Variants in GRIN2A observed in about 807,000 individuals in gnomAD.
GRIN2A encodes glutamate ionotropic receptor NMDA type subunit 2A.
GRIN2A carries 22 observed loss-of-function variants against 113.4 expected under a neutral mutation model. That is an observed-to-expected ratio of 0.19 (90% CI 0.14 to 0.28). GRIN2A has a LOEUF of 0.28. GRIN2A is among the 10% of genes least tolerant of loss of function. The pLI is 1.00. For synonymous variants in GRIN2A, 827 were observed against 738.4 expected (o/e 1.12, Z -1.94); for missense variants, 1,502 against 1,887.0 (o/e 0.80, Z 3.78).
chr16:9,996,587 A>G (rs1044332951), intron 2 of GRIN2A, among the ~76,000 whole-genome samples: 5 of 152,216 alleles, frequency 3.3e-5, no homozygotes, highest in Non-Finnish European at 7.3e-5. Flanking sequence ...ACCTGTAAGT[A>G]ATATTCCAAC....
chr16:9,882,396 A>G (rs2043498726), intron 4 of GRIN2A, among the ~76,000 whole-genome samples: 1 of 152,210 alleles, frequency 6.6e-6, no homozygotes, highest in South Asian at 2.1e-4. Context: ...TAGGAATCCT[A>G]TAACTGGAAT....
chr16:9,960,989 C>T (rs753319345), intron 2 of GRIN2A, among the ~76,000 whole-genome samples: 9 of 152,086 alleles, frequency 5.9e-5, no homozygotes, highest in South Asian at 2.1e-4. Context: ...ACCATTCAAG[C>T]GAGTTTGTTA....
chr16:9,911,026 A>G (rs2044125010), intron 3 of GRIN2A, among the ~76,000 whole-genome samples: 1 of 152,180 alleles, frequency 6.6e-6, no homozygotes, highest in Non-Finnish European at 1.5e-5. Flanking sequence ...AACTAAAAAA[A>G]AAAAATCCAT....
intron 2 of GRIN2A, among the ~76,000 whole-genome samples, chr16:9,999,840 C>T (rs984584712): frequency 6.6e-6 from 1 of 152,276 alleles, no homozygotes; most frequent in South Asian, 2.1e-4. Context: ...TAACAAATTC[C>T]ACAAGCACAA....
chr16:9,809,450 A>G (rs1433339100), intron 10 of GRIN2A, among the ~76,000 whole-genome samples: 1 of 152,202 alleles, frequency 6.6e-6, no homozygotes, highest in Non-Finnish European at 1.5e-5. Context: ...AAACATATGC[A>G]AATGCATATA....
intron 4 of GRIN2A, among the ~76,000 whole-genome samples, chr16:9,884,764 T>A (rs2043555112): frequency 6.7e-6 from 1 of 150,102 alleles, no homozygotes; most frequent in African/African-American, 2.4e-5. Flanking sequence ...TTTTTTTTTT[T>A]TTTGAGATGG....
intron 9 of GRIN2A, among the ~76,000 whole-genome samples, chr16:9,825,017 A>C (rs778186739): frequency 6.6e-6 from 1 of 152,032 alleles, no homozygotes; most frequent in Non-Finnish European, 1.5e-5. Context: ...GGCTTTAGCA[A>C]AGGAAGGGGT....
chr16:9,829,409 C>G lies in GRIN2A; in HGVS notation c.2007+14G>C, dbSNP rs571971134. ...ACCAACCCTCAGATGGAGAGGAAAG[C>G]AAGGTGACCTTACCTTTTTGTCACT... On this transcript the variant is annotated intron_variant, in intron 9 of 12. Transcript: ENST00000330684. 60 of 1,571,576 alleles carry G rather than the reference C, an allele frequency of 3.8e-5. 1 individual carries two copies. The Middle Eastern group carries it at 9.0e-4, about 23-fold the overall frequency.
intron 9 of GRIN2A, among the ~76,000 whole-genome samples, chr16:9,824,313 A>G (rs1394686854): frequency 6.6e-6 from 1 of 152,228 alleles, no homozygotes; most frequent in East Asian, 1.9e-4. Flanking sequence ...AATCACCAAA[A>G]GCTCAAAAGG....
At chr16:9,964,576 C>T (rs547399054) in intron 2 of GRIN2A, among the ~76,000 whole-genome samples, 3 of 152,252 alleles carry the variant, frequency 2.0e-5, no homozygotes, top group South Asian at 2.1e-4. Flanking sequence ...TTCCGGAGGC[C>T]GTAGGGGAGA....
chr16:10,002,399 C>G (rs759349247), intron 2 of GRIN2A, among the ~76,000 whole-genome samples: 8 of 152,138 alleles, frequency 5.3e-5, no homozygotes, highest in Non-Finnish European at 1.2e-4. Flanking sequence ...AATACATTCC[C>G]CTAGGGAGAG....
intron 11 of GRIN2A, among the ~76,000 whole-genome samples, chr16:9,776,446 C>T (rs1400605173): frequency 3.9e-5 from 6 of 152,014 alleles, no homozygotes; most frequent in Non-Finnish European, 7.4e-5. Context: ...GTGGATAACA[C>T]AAGGCTCCTG....
intron 2 of GRIN2A, among the ~76,000 whole-genome samples, chr16:9,944,918 A>T (rs2044981905): frequency 6.6e-6 from 1 of 152,200 alleles, no homozygotes; most frequent in African/African-American, 2.4e-5. Context: ...TGTACCAGGC[A>T]TTGTTCCAGG....
At chr16:9,974,490 T>A (rs1289624685) in intron 2 of GRIN2A, among the ~76,000 whole-genome samples, 1 of 152,202 alleles carries the variant, frequency 6.6e-6, no homozygotes, top group African/African-American at 2.4e-5. Flanking sequence ...CCCTCTCACG[T>A]GGACCCCCTT....
chr16:10,034,535 CAAAAAAAAA>C (rs58076569), intron 2 of GRIN2A, among the ~76,000 whole-genome samples: 1 of 36,430 alleles, frequency 2.7e-5, no homozygotes, highest in South Asian at 1.2e-3. Flanking sequence ...CAAAAAAAAG[CAAAAAAAAA>C]AAAAAAAAAA....
intron 2 of GRIN2A, among the ~76,000 whole-genome samples, chr16:10,057,076 T>A (rs1188330738): frequency 1.3e-5 from 2 of 151,992 alleles, no homozygotes; most frequent in African/African-American, 2.4e-5. Flanking sequence ...CCCCATTCAT[T>A]CCATCCAACC....
At chr16:10,088,918 CATTT>C (rs1376650190) in intron 2 of GRIN2A, among the ~76,000 whole-genome samples, 3 of 152,192 alleles carry the variant, frequency 2.0e-5, no homozygotes, top group East Asian at 1.9e-4. Context: ...TTCATCCATT[CATTT>C]GTTTAACAAA....
intron 4 of GRIN2A, among the ~76,000 whole-genome samples, chr16:9,879,971 A>G (rs948934584): frequency 6.6e-6 from 1 of 152,158 alleles, no homozygotes; most frequent in Admixed American, 6.6e-5. Context: ...GTTTCCTTCA[A>G]AAGATTTGTA....
intron 2 of GRIN2A, among the ~76,000 whole-genome samples, chr16:9,982,568 A>T (rs2045911312): frequency 6.6e-6 from 1 of 152,248 alleles, no homozygotes; most frequent in African/African-American, 2.4e-5. Flanking sequence ...TTTTCAGAAC[A>T]ATGAATTGGT....
Sources: allele counts gnomAD v4.1 joint callset (sites outside exome capture counted in the v4.1 genomes callset), GRCh38; gene constraint gnomAD v4.1.1; transcripts MANE v1.5; gene names NCBI Gene and HGNC (gene_info 2026-07-23, HGNC 2026-07-21).